The following SRGAP2 variants were observed in gnomAD, a reference collection of about 807,000 sequenced individuals.
SRGAP2 encodes SLIT-ROBO Rho GTPase-activating protein 2.
In SRGAP2, 15 loss-of-function variants were observed where a neutral mutation model predicts 57.2. That is an observed-to-expected ratio of 0.26 (90% confidence interval 0.18 to 0.40). SRGAP2 has a LOEUF of 0.40. SRGAP2 is among the 10% of genes least tolerant of loss of function. The pLI is 1.00. For missense variants in SRGAP2, 520 were observed against 669.6 expected (o/e 0.78, Z 2.47); for synonymous variants, 249 against 248.0 (o/e 1.00, Z -0.04).
chr1:206,457,986 C>T (rs1553378975), intron 21 of SRGAP2, among the ~76,000 whole-genome samples: 1 of 152,198 alleles, frequency 6.6e-6, no homozygotes. Flanking sequence ...AACAAATTCG[C>T]CCAGATCCAG....
At chr1:206,385,079 A>G (rs1370166467) in intron 5 of SRGAP2, among the ~76,000 whole-genome samples, 1 of 137,002 alleles carries the variant, frequency 7.3e-6, no homozygotes, top group Non-Finnish European at 1.5e-5. Context: ...GATGTTGCTG[A>G]TCCAGAAGCC....
rs1337654225 is a variant in SRGAP2 at position 206,278,177 on chromosome 1, C to G, written c.68-25104C>G. On this transcript the variant is annotated intron_variant, in intron 2 of 22. Transcript: ENST00000573034. ...TTATTTCAGTCAATACAATAAAGAT[C>G]TCTGTGAGTTAACATTTCAGTTGGG... Among the ~76,000 whole-genome samples, 3 of 151,452 alleles carry G rather than the reference C, an allele frequency of 2.0e-5. No individual in the cohort carries two copies. The East Asian group carries it at 5.8e-4, about 29-fold the overall frequency.
At chr1:206,445,666 G>T (rs546743369) in intron 17 of SRGAP2, among the ~76,000 whole-genome samples, 1 of 152,328 alleles carries the variant, frequency 6.6e-6, no homozygotes, top group East Asian at 1.9e-4. Context: ...TACCAGGGCA[G>T]CCTGAGGGTC....
chr1:206,383,609 C>G (rs1358046117), intron 4 of SRGAP2, among the ~76,000 whole-genome samples: 1 of 151,504 alleles, frequency 6.6e-6, no homozygotes, highest in African/African-American at 2.4e-5. Flanking sequence ...TATACTTTTT[C>G]CTATTTCATC....
chr1:206,346,120 G>C (rs1553336785), intron 4 of SRGAP2, among the ~76,000 whole-genome samples: 2 of 152,086 alleles, frequency 1.3e-5, no homozygotes, highest in Admixed American at 1.3e-4. Flanking sequence ...CCTAAGGAAT[G>C]TCCTCAGCCA....
chr1:206,259,656 G>C (rs2102618144), intron 2 of SRGAP2, among the ~76,000 whole-genome samples: 1 of 150,842 alleles, frequency 6.6e-6, no homozygotes, highest in South Asian at 2.1e-4. Context: ...TGAGGCTATG[G>C]GTAGGTAGAA....
chr1:206,283,760 A>G (rs1361942824), intron 2 of SRGAP2, among the ~76,000 whole-genome samples: 2 of 146,300 alleles, frequency 1.4e-5, no homozygotes, highest in Non-Finnish European at 3.0e-5. Context: ...CATTACTTTT[A>G]TAGACTATTA....
intron 2 of SRGAP2, among the ~76,000 whole-genome samples, chr1:206,272,735 G>A (rs1670194685): frequency 2.6e-5 from 4 of 152,086 alleles, no homozygotes; most frequent in East Asian, 3.9e-4. Context: ...GTCTAAGTGT[G>A]CACATTAATG....
intron 2 of SRGAP2, among the ~76,000 whole-genome samples, chr1:206,230,232 T>G (rs1486471878): frequency 6.6e-6 from 1 of 150,656 alleles, no homozygotes; most frequent in Non-Finnish European, 1.5e-5. Flanking sequence ...TCAGTTTAAA[T>G]GAATAGGTTT....
In SRGAP2 at chr1:206,439,872, C is replaced by G. The variant is rs1553371293; in HGVS notation, c.1769-104C>G. On this transcript the variant is annotated intron_variant, in intron 16 of 22. Transcript: ENST00000573034. ...CACCAGTGCTGTGCGTGGGCTTGAT[C>G]TGATGCTGTCCGTGTTGCCCCTGCT... 4 of 689,456 alleles carry G rather than the reference C, an allele frequency of 5.8e-6. No homozygotes were observed. The Admixed American group carries it at 8.3e-5, about 14-fold the overall frequency. The allele number at this position is 689,456 out of a possible 1,614,324, so 42.7% of individuals were successfully genotyped here. A position where few individuals can be genotyped will look rare whatever the true frequency, so the allele number is the denominator to read the frequency against.
chr1:206,419,349 T>G (rs1447280910), intron 11 of SRGAP2, 24 bp from the exon 12 acceptor site: 2 of 780,620 alleles, frequency 2.6e-6, no homozygotes, highest in African/African-American at 3.4e-5. Context: ...AACATAATGC[T>G]TTTTGCCTTT....
intron 3 of SRGAP2, among the ~76,000 whole-genome samples, chr1:206,327,363 A>G (rs1553330378): frequency 2.0e-5 from 3 of 151,064 alleles, no homozygotes; most frequent in Admixed American, 6.6e-5. Flanking sequence ...TATTTAGTAT[A>G]CTAATGAAGT....
intron 10 of SRGAP2, among the ~76,000 whole-genome samples, chr1:206,412,039 A>T (rs1659266879): frequency 1.3e-5 from 2 of 152,222 alleles, no homozygotes. Context: ...GGATGGAAAA[A>T]CTAAGACTCA....
intron 14 of SRGAP2, among the ~76,000 whole-genome samples, chr1:206,431,476 C>G (rs1273459967): frequency 6.6e-6 from 1 of 152,200 alleles, no homozygotes; most frequent in Non-Finnish European, 1.5e-5. Context: ...AACAGTCAAA[C>G]AGTTTGCAAA....
intron 3 of SRGAP2, among the ~76,000 whole-genome samples, chr1:206,332,597 G>A (rs374885514): frequency 1.4e-5 from 2 of 142,814 alleles, no homozygotes; most frequent in South Asian, 2.1e-4. Context: ...CCAGTTGATC[G>A]CATCAGCTCC....
At chr1:206,341,208 G>A (rs2102913577) in intron 3 of SRGAP2, among the ~76,000 whole-genome samples, 1 of 152,312 alleles carries the variant, frequency 6.6e-6, no homozygotes, top group East Asian at 1.9e-4. Context: ...AATCACAAGT[G>A]CCTGGCCTTT....
At chr1:206,253,550 CTTTCTTTCTCT>C (rs1295249635) in intron 2 of SRGAP2, among the ~76,000 whole-genome samples, 8 of 149,162 alleles carry the variant, frequency 5.4e-5, no homozygotes, top group African/African-American at 1.7e-4. Flanking sequence ...CTCTCTCTCT[CTTTCTTTCTCT>C]TTTCTTTCTT....
At chr1:206,419,095 T>C (rs998104776) in intron 11 of SRGAP2, among the ~76,000 whole-genome samples, 1 of 152,124 alleles carries the variant, frequency 6.6e-6, no homozygotes, top group African/African-American at 2.4e-5. Context: ...TATGTTCCCA[T>C]TGGGAAGCAG....
In SRGAP2 at chr1:206,461,301, C is replaced by A. The variant is rs782153510; in HGVS notation, c.3097C>A (p.Pro1033Thr). 2.6e-6 allele frequency: 2 copies of A among 780,930 alleles called. No individual in the cohort carries two copies. Among genetic ancestry groups the A allele is most frequent in the Non-Finnish European group, 4.8e-6 (2 of 417,990 alleles). 48.4% of individuals were successfully genotyped at this position (780,930 alleles called of 1,614,324 possible). A position where few individuals can be genotyped will look rare whatever the true frequency, so the allele number is the denominator to read the frequency against. Reference sequence around the variant, plus strand: ...TGTCAAGTCTGTCAAGATGGCTGCCCCGGTCAAACCACCAGCCACACGGCC... The same window carrying A: ...TGTCAAGTCTGTCAAGATGGCTGCCACGGTCAAACCACCAGCCACACGGCC... ...RPVKSVKMAAPVKPPATRPKP... is the reference protein window; with the variant it reads ...RPVKSVKMAATVKPPATRPKP... Residue 1033 changes from proline to threonine, a missense_variant, in exon 23 of 23, where the codon CCG becomes ACG. Physicochemically the swap from Pro to Thr is conservative, Grantham distance 38 (BLOSUM62 -1). Around this residue, in one of 5 missense-constraint regions of SRGAP2, gnomAD observed 478 missense variants for 373.6 expected, o/e 1.28. Transcript: ENST00000573034.
Sources: gnomAD v4.1 joint callset for allele counts (sites outside exome capture counted in the v4.1 genomes callset) on GRCh38, gnomAD v4.1.1 for gene constraint, gnomAD v4.1.1 regional missense constraint, MANE v1.5 for transcripts, NCBI Gene and HGNC (gene_info 2026-07-23, HGNC 2026-07-21) for gene names.